The following PTPRD variants were observed in gnomAD, a reference collection of about 807,000 sequenced individuals.
PTPRD encodes the protein protein tyrosine phosphatase receptor type D.
PTPRD carries 34 observed loss-of-function variants against 214.5 expected under a neutral mutation model. That is an observed-to-expected ratio of 0.16 (90% confidence interval 0.12 to 0.21). The LOEUF is 0.21. Ranked by LOEUF, PTPRD falls within the 10% of genes least tolerant of loss-of-function variation. The pLI is 1.00. For synonymous variants in PTPRD, 1,128 were observed against 845.7 expected (o/e 1.33, Z -5.79); for missense variants, 2,545 against 2,398.7 (o/e 1.06, Z -1.27).
intron 10 of PTPRD, among the ~76,000 whole-genome samples, chr9:9,069,310 A>T (rs2099740372): frequency 6.6e-6 from 1 of 152,248 alleles, no homozygotes; most frequent in African/African-American, 2.4e-5. Flanking sequence ...ATACAAAAAA[A>T]GTATAAAGAA....
intron 8 of PTPRD, among the ~76,000 whole-genome samples, chr9:9,421,355 T>G (rs1889103): frequency 0.79 from 120,174 of 151,486 alleles, 47,824 homozygotes; most frequent in Non-Finnish European, 0.81. Flanking sequence ...AATAAAAAAA[T>G]TAAATATATA....
At chr9:9,710,729 C>A (rs191976264) in intron 7 of PTPRD, among the ~76,000 whole-genome samples, 1 of 151,942 alleles carries the variant, frequency 6.6e-6, no homozygotes, top group Non-Finnish European at 1.5e-5. Flanking sequence ...CTAATAATTT[C>A]TGAGTTGATC....
chr9:9,702,217 A>G (rs1352868184), intron 7 of PTPRD, among the ~76,000 whole-genome samples: 1 of 152,212 alleles, frequency 6.6e-6, no homozygotes, highest in East Asian at 1.9e-4. Flanking sequence ...GAGTCATATG[A>G]ACGAAGACAT....
chr9:10,097,260 T>C (rs1211882206), intron 3 of PTPRD, among the ~76,000 whole-genome samples: 1 of 147,184 alleles, frequency 6.8e-6, no homozygotes, highest in Non-Finnish European at 1.5e-5. Context: ...AGTAGTTTTT[T>C]CCAATTCTGT....
chr9:10,090,921 C>T (rs866805382), intron 3 of PTPRD, among the ~76,000 whole-genome samples: 11 of 58,438 alleles, frequency 1.9e-4, no homozygotes, highest in Middle Eastern at 5.4e-3. Flanking sequence ...ATGAAATATA[C>T]ACACACACAC....
chr9:9,919,861 C>T (rs1288882774), intron 5 of PTPRD, among the ~76,000 whole-genome samples: 2 of 152,056 alleles, frequency 1.3e-5, no homozygotes, highest in Non-Finnish European at 2.9e-5. Context: ...AAGCTGCTGC[C>T]AGGATTGAGT....
chr9:9,004,296 T>C (rs904059913), intron 11 of PTPRD, among the ~76,000 whole-genome samples: 4 of 152,060 alleles, frequency 2.6e-5, no homozygotes, highest in African/African-American at 9.7e-5. Flanking sequence ...CTCCAAGGTA[T>C]ATATAAAATA....
At chr9:9,972,102 T>C (rs1483549029) in intron 4 of PTPRD, among the ~76,000 whole-genome samples, 1 of 152,234 alleles carries the variant, frequency 6.6e-6, no homozygotes, top group Non-Finnish European at 1.5e-5. Context: ...GCAAAAATTA[T>C]ACTATATTCC....
chr9:10,268,292 TAAA>T (rs1370862342), intron 3 of PTPRD, among the ~76,000 whole-genome samples: 17 of 32,262 alleles, frequency 5.3e-4, no homozygotes, highest in Non-Finnish European at 3.4e-4. Context: ...TCTGTTGCTA[TAAA>T]TAATAATAAT....
intron 10 of PTPRD, among the ~76,000 whole-genome samples, chr9:9,182,273 A>G (rs2099928632): frequency 6.6e-6 from 1 of 151,944 alleles, no homozygotes; most frequent in Non-Finnish European, 1.5e-5. Context: ...AGATATTTCC[A>G]TTTTCTTAGA....
At chr9:8,364,482 C>T (rs1159253835) in intron 39 of PTPRD, among the ~76,000 whole-genome samples, 2 of 152,184 alleles carry the variant, frequency 1.3e-5, no homozygotes, top group East Asian at 3.9e-4. Context: ...GAAATTGTAG[C>T]TGATGGGCCT....
chr9:9,460,311 G>T (rs1375387853), intron 8 of PTPRD, among the ~76,000 whole-genome samples: 1 of 151,940 alleles, frequency 6.6e-6, no homozygotes, highest in Non-Finnish European at 1.5e-5. Context: ...GACCTCAAAA[G>T]CAAATGCAAC....
chr9:9,173,393 G>T (rs1466691242), intron 10 of PTPRD, among the ~76,000 whole-genome samples: 1 of 152,062 alleles, frequency 6.6e-6, no homozygotes, highest in Non-Finnish European at 1.5e-5. Context: ...CATTTGTACT[G>T]GTTGGGTCAT....
At chr9:9,500,078 A>G (rs10114615) in intron 8 of PTPRD, among the ~76,000 whole-genome samples, 40,190 of 152,024 alleles carry the variant, frequency 0.26, 5,507 homozygotes, top group Middle Eastern at 0.4. Context: ...GGCTGTAAAA[A>G]ACTGCCAAAA....
At chr9:9,604,222 C>T (rs1333464174) in intron 7 of PTPRD, among the ~76,000 whole-genome samples, 2 of 152,084 alleles carry the variant, frequency 1.3e-5, no homozygotes, top group Non-Finnish European at 2.9e-5. Flanking sequence ...ATTGAAAACA[C>T]ATCCTGTAGA....
At chr9:9,651,380 C>T (rs532592107) in intron 7 of PTPRD, among the ~76,000 whole-genome samples, 2 of 152,156 alleles carry the variant, frequency 1.3e-5, no homozygotes, top group East Asian at 3.9e-4. Context: ...TTTTCCTGAA[C>T]CTCTTCCTCC....
chr9:9,249,630 G>C (rs933018612), intron 9 of PTPRD, among the ~76,000 whole-genome samples: 1 of 151,762 alleles, frequency 6.6e-6, no homozygotes, highest in African/African-American at 2.4e-5. Context: ...TTTCTCTTGG[G>C]TTGTCCAACT....
At chr9:8,790,026 CTTTT>C (rs1023329379) in intron 11 of PTPRD, among the ~76,000 whole-genome samples, 1 of 151,666 alleles carries the variant, frequency 6.6e-6, no homozygotes, top group Non-Finnish European at 1.5e-5. Context: ...TTGCCTTTTT[CTTTT>C]TTTTGAGACA....
At chr9:8,348,325 A>G (rs1344640852) in intron 39 of PTPRD, among the ~76,000 whole-genome samples, 2 of 152,114 alleles carry the variant, frequency 1.3e-5, no homozygotes, top group Non-Finnish European at 2.9e-5. Flanking sequence ...GTCTTTGAAT[A>G]ATGCTTTATA....
Sources: gnomAD v4.1 joint callset for allele counts (sites outside exome capture counted in the v4.1 genomes callset) on GRCh38, gnomAD v4.1.1 for gene constraint, MANE v1.5 for transcripts, NCBI Gene and HGNC (gene_info 2026-07-23, HGNC 2026-07-21) for gene names.